Variants in ALPK2 observed in about 807,000 individuals in gnomAD.
The protein encoded by ALPK2 is alpha-protein kinase 2.
In ALPK2, 127 loss-of-function variants were observed where a neutral mutation model predicts 163.1. The observed-to-expected ratio is 0.78, with a 90% confidence interval of 0.67 to 0.90. The LOEUF (loss-of-function observed/expected upper bound fraction) is 0.90. Ranked by LOEUF, ALPK2 falls within the 40% of genes least tolerant of loss-of-function variation. ALPK2 has a pLI of 0.00. For synonymous variants in ALPK2, 953 were observed against 959.1 expected, an observed-to-expected ratio of 0.99 and a Z score of 0.12; for missense variants, 2,360 against 2,589.6, an observed-to-expected ratio of 0.91 and a Z score of 1.92.
chr18:58,517,278 C>A, intron 8 of ALPK2, 96 bp from the exon 9 acceptor site: 2 of 1,310,034 alleles, frequency 1.5e-6, no homozygotes, highest in Admixed American at 2.1e-5. Flanking sequence ...AGGACAATGA[C>A]AAGGCTGACC....
chr18:58,614,563 G>A (rs1436762511), intron 1 of ALPK2, among the ~76,000 whole-genome samples: 1 of 152,110 alleles, frequency 6.6e-6, no homozygotes, highest in Non-Finnish European at 1.5e-5. Context: ...ATTAGGTTAC[G>A]GGTACATTTG....
rs1469745132 is a variant in ALPK2, at chr18:58,628,601, A to T, written c.-21+163T>A. Among the ~76,000 whole-genome samples the T allele has an allele frequency of 2.0e-5, 3 of 152,248 alleles. No individual in the cohort carries two copies. In the East Asian group the frequency reaches 5.8e-4, roughly 29 times the overall value. On this transcript the variant is annotated intron_variant, in intron 1 of 12. Transcript: ENST00000361673. Reference sequence around the variant, plus strand: ...AAGACCATGAGAGTTTGCCCACTTTAAAACCTTATATGCCCAAATATCCCA... The same window carrying T: ...AAGACCATGAGAGTTTGCCCACTTTTAAACCTTATATGCCCAAATATCCCA...
Position 58,481,812 on chromosome 18 carries a change from A to C in ALPK2, c.*11T>G. ...GCTGCTAGCCAGTGGCCATTAGGTT[A>C]CCCAGGGACGTTAGGTTTTCTTTTC... On this transcript the variant is annotated 3_prime_UTR_variant, in exon 13 of 13. Transcript: ENST00000361673. 1.1e-5 allele frequency: 18 copies of C among 1,599,512 alleles called. No homozygotes were observed. Among genetic ancestry groups the C allele is most frequent in the Non-Finnish European group, 1.5e-5 (18 of 1,167,010 alleles).
chr18:58,553,433 G>A (rs928062969), intron 4 of ALPK2, among the ~76,000 whole-genome samples: 1 of 152,136 alleles, frequency 6.6e-6, no homozygotes, highest in Non-Finnish European at 1.5e-5. Context: ...GGCTCAGTGA[G>A]GGATGGAGAC....
chr18:58,508,661 G>A (rs1160188218), intron 10 of ALPK2, among the ~76,000 whole-genome samples: 2 of 152,192 alleles, frequency 1.3e-5, no homozygotes, highest in African/African-American at 2.4e-5. Flanking sequence ...CTAAAAAGGG[G>A]AGCATGGATA....
At chr18:58,608,724 G>C (rs559124974) in intron 2 of ALPK2, among the ~76,000 whole-genome samples, 62 of 152,224 alleles carry the variant, frequency 4.1e-4, no homozygotes, top group Admixed American at 8.5e-4. Flanking sequence ...GAGGCAGGGG[G>C]GTGAATCACT....
chr18:58,523,724 G>T (rs1040142630), intron 8 of ALPK2, 82 bp downstream of exon 8: 14 of 1,550,020 alleles, frequency 9.0e-6, no homozygotes, highest in Non-Finnish European at 1.2e-5. Flanking sequence ...GAGGATTACT[G>T]CTTCTACTCT....
chr18:58,568,574 T>G (rs1354388589), intron 4 of ALPK2, among the ~76,000 whole-genome samples: 1 of 152,140 alleles, frequency 6.6e-6, no homozygotes, highest in Non-Finnish European at 1.5e-5. Flanking sequence ...GGGTGGGGCT[T>G]GTATGTCTGT....
chr18:58,560,026 C>T (rs1224031783), intron 4 of ALPK2, among the ~76,000 whole-genome samples: 4 of 152,158 alleles, frequency 2.6e-5, no homozygotes, highest in African/African-American at 9.7e-5. Flanking sequence ...AGGGCCATGT[C>T]CTTCTGGAGG....
intron 2 of ALPK2, among the ~76,000 whole-genome samples, chr18:58,609,496 T>A (rs574812540): frequency 1.9e-4 from 29 of 152,312 alleles, no homozygotes; most frequent in African/African-American, 6.0e-4. Flanking sequence ...ATACATAAAA[T>A]ATTCATGAGC....
chr18:58,566,434 G>C (rs2051853470), intron 4 of ALPK2: 2 of 152,320 alleles, frequency 1.3e-5, no homozygotes, highest in South Asian at 2.1e-4. Flanking sequence ...GATTGGGTTA[G>C]TTCAATGCTT....
intron 1 of ALPK2, among the ~76,000 whole-genome samples, chr18:58,617,687 A>G (rs931086244): frequency 6.6e-6 from 1 of 152,182 alleles, no homozygotes; most frequent in African/African-American, 2.4e-5. Context: ...ATCTAAATAT[A>G]TGATAATTTT....
intron 4 of ALPK2, among the ~76,000 whole-genome samples, chr18:58,553,422 A>G (rs560500064): frequency 6.6e-6 from 1 of 152,268 alleles, no homozygotes; most frequent in East Asian, 1.9e-4. Context: ...CACTACAAAT[A>G]GGCTCAGTGA....
intron 4 of ALPK2, among the ~76,000 whole-genome samples, chr18:58,550,498 T>TCTCC (rs2051748662): frequency 1.4e-5 from 1 of 70,772 alleles, no homozygotes; most frequent in Admixed American, 1.6e-4. Context: ...CCCCCATCTA[T>TCTCC]ATCATATACA....
intron 4 of ALPK2, among the ~76,000 whole-genome samples, chr18:58,542,154 G>C (rs1179043497): frequency 2.6e-5 from 4 of 152,206 alleles, no homozygotes; most frequent in African/African-American, 7.2e-5. Context: ...CTAGCAACCA[G>C]CGTTTGTAGC....
chr18:58,516,911 G>A lies in ALPK2; in HGVS notation c.5937C>T (p.Ala1979=), dbSNP rs55882107. 81 of 1,612,550 alleles carry A rather than the reference G, an allele frequency of 5.0e-5. No individual in the cohort carries two copies. The highest frequency in any genetic ancestry group is 6.7e-5 in the Non-Finnish European group (79 of 1,178,878). The part of the protein sequence containing the change: ...ELIQRNYKLA[A]QECYVQNTAR... Reference sequence around the variant, plus strand: ...GCCTTTGGGCAGATGGACCCACCTGGGCAGCGAGTTTGTAGTTCCTTTGGA... The same window carrying A: ...GCCTTTGGGCAGATGGACCCACCTGAGCAGCGAGTTTGTAGTTCCTTTGGA... Residue 1979 remains alanine (A), a synonymous_variant, in exon 9 of 13, where the codon GCC becomes GCT. Transcript: ENST00000361673.
Position 58,538,030 on chromosome 18 carries a change from A to G in ALPK2, c.2157T>C (p.His719=), listed in dbSNP as rs12103986. ...EVKPCTCGPQ[H]EEKQDRDGNI... is the part of the protein sequence containing the mutation. ...TGCCATCTCTGTCTTGTTTTTCTTC[A>G]TGCTGTGGACCACAGGTACAGGGTT... The change falls in exon 5 of 13, where the codon CAT becomes CAC. Residue 719 remains histidine, a synonymous_variant. Coordinates refer to ENST00000361673, the MANE Select transcript of ALPK2 (RefSeq NM_052947.4). 1.5e-4 allele frequency: 245 copies of G among 1,613,932 alleles called. No homozygotes were observed. The African/African-American group carries it at 2.7e-3, about 18-fold the overall frequency.
intron 12 of ALPK2, among the ~76,000 whole-genome samples, chr18:58,489,545 G>A (rs2051361117): frequency 6.6e-6 from 1 of 152,012 alleles, no homozygotes; most frequent in African/African-American, 2.4e-5. Flanking sequence ...AAAATAGCTG[G>A]GTGTGGTGGT....
chr18:58,541,727 G>A (rs1001047597), intron 4 of ALPK2, among the ~76,000 whole-genome samples: 2 of 152,218 alleles, frequency 1.3e-5, no homozygotes, highest in Admixed American at 6.5e-5. Flanking sequence ...CTGGCCCGCT[G>A]CTGATAAGCA....
Sources: gnomAD v4.1 joint callset for allele counts (sites outside exome capture counted in the v4.1 genomes callset) on GRCh38, gnomAD v4.1.1 for gene constraint, MANE v1.5 for transcripts, NCBI Gene and HGNC (gene_info 2026-07-23, HGNC 2026-07-21) for gene names.